The following MBD5 variants were observed in gnomAD, a reference collection of about 807,000 sequenced individuals.
The protein encoded by MBD5 is methyl-CpG-binding domain protein 5.
MBD5 carries 13 observed loss-of-function variants against 117.3 expected under a neutral mutation model. The ratio of observed to expected loss-of-function variants is 0.11; its 90% CI spans 0.07 to 0.18. The LOEUF (loss-of-function observed/expected upper bound fraction) is 0.18. Among genes scored for constraint, MBD5 ranks in the 10% least tolerant of loss-of-function variants. The pLI, the probability that MBD5 is intolerant of heterozygous loss-of-function variation, is 1.00. For synonymous variants in MBD5, 727 were observed against 766.4 expected (o/e 0.95, Z 0.85); for missense variants, 1,879 against 2,093.8 (o/e 0.90, Z 2.00).
At chr2:148,048,477 C>G (rs1480870002) in intron 1 of MBD5, among the ~76,000 whole-genome samples, 2 of 152,068 alleles carry the variant, frequency 1.3e-5, no homozygotes, top group Admixed American at 6.6e-5. Context: ...CTGGCAAATG[C>G]TTTAGTGGAG....
chr2:148,334,962 C>G (rs1702750387), intron 3 of MBD5, among the ~76,000 whole-genome samples: 1 of 152,140 alleles, frequency 6.6e-6, no homozygotes. Flanking sequence ...GCTTGCTTCA[C>G]TGCATGTAAG....
At position 148,482,997 on chromosome 2, in the gene MBD5, A is replaced by T. The variant is rs1022605475; in HGVS notation, c.2519-113A>T. On this transcript the variant is annotated intron_variant, in intron 8 of 13. Coordinates refer to ENST00000642680, the MANE Select transcript of MBD5 (RefSeq NM_001378120.1). Reference sequence around the variant, plus strand: ...CAATTAATCTAGTTACAATCAATGAAGGTGCCATGGAACAAATAAATTTAA... The same window carrying T: ...CAATTAATCTAGTTACAATCAATGATGGTGCCATGGAACAAATAAATTTAA... The T allele has an allele frequency of 4.2e-5, 49 of 1,155,278 alleles. 1 individual carries two copies. The East Asian group carries it at 1.2e-3, about 28-fold the overall frequency. The allele number at this position is 1,155,278 out of a possible 1,614,324, so 71.6% of individuals were successfully genotyped here.
intron 4 of MBD5, among the ~76,000 whole-genome samples, chr2:148,383,682 C>A (rs1212677194): frequency 6.6e-6 from 1 of 152,028 alleles, no homozygotes; most frequent in East Asian, 1.9e-4. Context: ...GACCAATATC[C>A]TTGATGAACA....
intron 4 of MBD5, among the ~76,000 whole-genome samples, chr2:148,365,420 T>C (rs1703666905): frequency 6.6e-6 from 1 of 151,818 alleles, no homozygotes; most frequent in South Asian, 2.1e-4. Context: ...AACATCACAA[T>C]TAAAAGGAGT....
chr2:148,083,877 C>T (rs1030080422), intron 1 of MBD5, among the ~76,000 whole-genome samples: 10 of 152,112 alleles, frequency 6.6e-5, no homozygotes, highest in Non-Finnish European at 1.3e-4. Context: ...CCACCCACCT[C>T]GGCCTCCCAA....
intron 4 of MBD5, among the ~76,000 whole-genome samples, chr2:148,426,580 G>A (rs1320561099): frequency 9.0e-4 from 123 of 136,256 alleles, no homozygotes; most frequent in African/African-American, 1.6e-3. Flanking sequence ...AAATGGTGCT[G>A]GGAAAACTGG....
In MBD5 at chr2:148,201,066, A is replaced by G. The variant is rs559774123; in HGVS notation, c.-831+22273A>G. Among the ~76,000 whole-genome samples the G allele has an allele frequency of 4.6e-5, 7 of 152,326 alleles. No individual in the cohort carries two copies. In the South Asian group the frequency reaches 1.5e-3, roughly 32 times the overall value. ...TTTGCCAACCGGAGACCTCTGGCCA[A>G]TGATGCCCCTCCCCAGGCCTTGCTC... On this transcript the variant is annotated intron_variant, in intron 2 of 13. Transcript: ENST00000642680.
intron 4 of MBD5, among the ~76,000 whole-genome samples, chr2:148,444,852 G>C (rs529535932): frequency 6.6e-6 from 1 of 150,842 alleles, no homozygotes; most frequent in African/African-American, 2.5e-5. Context: ...TGAGGACTAC[G>C]TTCTCTTCAT....
At position 148,094,185 on chromosome 2, in the gene MBD5, T is replaced by C. The variant is rs189258719; in HGVS notation, c.-925+72501T>C. Among the ~76,000 whole-genome samples, 36 of 152,318 alleles carry C rather than the reference T, an allele frequency of 2.4e-4. No individual in the cohort carries two copies. The East Asian group carries it at 6.9e-3, about 29-fold the overall frequency. ...CTAACTGAATGTATATTGTTACTTG[T>C]ATGTTGAGACCTTGTTTTTGTAAAT... On this transcript the variant is annotated intron_variant, in intron 1 of 13. Transcript: ENST00000642680.
chr2:148,166,155 G>A (rs896578252), intron 1 of MBD5, among the ~76,000 whole-genome samples: 1 of 152,082 alleles, frequency 6.6e-6, no homozygotes, highest in African/African-American at 2.4e-5. Context: ...GGTTGCACTT[G>A]CTCATTCAGG....
At chr2:148,103,533 C>T (rs1002384366) in intron 1 of MBD5, among the ~76,000 whole-genome samples, 3 of 152,084 alleles carry the variant, frequency 2.0e-5, no homozygotes, top group Non-Finnish European at 2.9e-5. Context: ...GTTGATGTTG[C>T]GATACATGCT....
At chr2:148,365,965 A>C (rs1703684477) in intron 4 of MBD5, among the ~76,000 whole-genome samples, 1 of 152,214 alleles carries the variant, frequency 6.6e-6, no homozygotes, top group Non-Finnish European at 1.5e-5. Context: ...ACTCCTCCCT[A>C]ACTCATTTTA....
At chr2:148,284,693 A>G (rs1701331176) in intron 3 of MBD5, among the ~76,000 whole-genome samples, 1 of 152,178 alleles carries the variant, frequency 6.6e-6, no homozygotes, top group Non-Finnish European at 1.5e-5. Flanking sequence ...AATGGCTACA[A>G]ACCTGATGCC....
At chr2:148,334,354 G>A (rs1702733888) in intron 3 of MBD5, among the ~76,000 whole-genome samples, 1 of 151,154 alleles carries the variant, frequency 6.6e-6, no homozygotes, top group Non-Finnish European at 1.5e-5. Flanking sequence ...TTTTTTAAGA[G>A]ACAAGGTCTC....
intron 1 of MBD5, among the ~76,000 whole-genome samples, chr2:148,077,719 G>A (rs1034683325): frequency 6.6e-6 from 1 of 152,172 alleles, no homozygotes; most frequent in Admixed American, 6.5e-5. Context: ...GATTCAGACT[G>A]AGAGGAGTGG....
Position 148,435,971 on chromosome 2 carries a change from A to G in MBD5, c.-556-22232A>G, listed in dbSNP as rs1016487794. Among the ~76,000 whole-genome samples, 7 of 152,246 alleles carry G rather than the reference A, an allele frequency of 4.6e-5. No individual in the cohort carries two copies. The East Asian group carries it at 1.3e-3, about 29-fold the overall frequency. On this transcript the variant is annotated intron_variant, in intron 4 of 13. Coordinates refer to ENST00000642680, the MANE Select transcript of MBD5 (RefSeq NM_001378120.1). ...TGTCCTCTGTAGTTCAAATCAGAAT[A>G]TGTTCTTCAAGTAAACGAAGGCAAA...
chr2:148,330,252 T>C (rs1046915791), intron 3 of MBD5, among the ~76,000 whole-genome samples: 1 of 152,088 alleles, frequency 6.6e-6, no homozygotes, highest in East Asian at 1.9e-4. Context: ...CTGACAGTTT[T>C]GAGCATCATT....
intron 3 of MBD5, among the ~76,000 whole-genome samples, chr2:148,304,537 T>G (rs1334858456): frequency 6.6e-6 from 1 of 152,230 alleles, no homozygotes; most frequent in Non-Finnish European, 1.5e-5. Context: ...GCTACTATTC[T>G]GGACTACGTT....
chr2:148,064,798 C>A (rs1573973247), intron 1 of MBD5, among the ~76,000 whole-genome samples: 1 of 152,102 alleles, frequency 6.6e-6, no homozygotes, highest in Non-Finnish European at 1.5e-5. Context: ...TCTTCCTTAC[C>A]TTTCTTCTTT....
Sources: allele counts gnomAD v4.1 joint callset (sites outside exome capture counted in the v4.1 genomes callset), GRCh38; gene constraint gnomAD v4.1.1; transcripts MANE v1.5; gene names NCBI Gene and HGNC (gene_info 2026-07-23, HGNC 2026-07-21).